Variants in ATP13A1 observed in about 807,000 individuals in gnomAD.
ATP13A1 encodes the protein ATPase 13A1.
A neutral mutation model predicts 134.8 loss-of-function variants in ATP13A1; 55 were observed. The ratio of observed to expected loss-of-function variants is 0.41; its 90% CI spans 0.33 to 0.51. The LOEUF is 0.51. Ranked by LOEUF, ATP13A1 falls within the 20% of genes least tolerant of loss-of-function variation. The pLI is 0.29. For synonymous variants in ATP13A1, 775 were observed against 725.1 expected, an observed-to-expected ratio of 1.07 and a Z score of -1.10; for missense variants, 1,389 against 1,652.8, an observed-to-expected ratio of 0.84 and a Z score of 2.77.
intron 1 of ATP13A1, among the ~76,000 whole-genome samples, chr19:19,661,574 GCTGA>G (rs1858540735): frequency 6.6e-6 from 1 of 152,172 alleles, no homozygotes; most frequent in African/African-American, 2.4e-5. Context: ...GGCATCAACT[GCTGA>G]CTATGAGTTC....
Position 19,654,595 on chromosome 19 carries a change from A to G in ATP13A1, c.1761T>C (p.Gly587=), listed in dbSNP as rs990160088. 1 of 1,613,220 alleles carries G rather than the reference A, an allele frequency of 6.2e-7. No homozygotes were observed. The highest frequency in any genetic ancestry group is 1.3e-5 in the African/African-American group (1 of 74,918). Residue 587 remains glycine, a synonymous_variant, in exon 13 of 26, where the codon GGT becomes GGC. Coordinates refer to ENST00000357324, the MANE Select transcript of ATP13A1 (RefSeq NM_020410.3). ...TCAGCATGGCCTTCTCTAGAGGGTC[A>G]CCCACGAGGGTGCCGTCGTCCAGCT... The part of the protein sequence containing the change: ...LMQLDDGTLV[G]DPLEKAMLTA...
intron 16 of ATP13A1, 149 bp from the exon 17 acceptor site, chr19:19,651,946 C>T (rs1345243999): frequency 3.2e-6 from 2 of 616,068 alleles, no homozygotes; most frequent in Non-Finnish European, 5.7e-6. Flanking sequence ...CCAAGGGCCA[C>T]AACCCACCCC....
rs765630120 is a variant in ATP13A1, at chr19:19,647,586, T to A, written c.2793+13A>T. The A allele has an allele frequency of 4.3e-6, 7 of 1,613,316 alleles. No homozygotes were observed. The highest frequency in any genetic ancestry group is 5.1e-6 in the Non-Finnish European group (6 of 1,179,658). Reference sequence around the variant, plus strand: ...CCAGGATGGGGTGCAGCACCTCCCCTCTTGGGACTCACCCTCTGGGAGGTT... The same window carrying A: ...CCAGGATGGGGTGCAGCACCTCCCCACTTGGGACTCACCCTCTGGGAGGTT... On this transcript the variant is annotated intron_variant, in intron 20 of 25. Transcript: ENST00000357324. This position sits in a 1 kb window ranked among gnomAD's most constrained non-coding sequence, Gnocchi z 4.8.
chr19:19,663,040 C>A (rs1408945646), intron 1 of ATP13A1: 1 of 725,290 alleles, frequency 1.4e-6, no homozygotes, highest in East Asian at 2.7e-5. Context: ...ATCTAAATGA[C>A]CATAACAGGG....
Position 19,647,900 on chromosome 19 carries a change from C to T in ATP13A1, c.2633-141G>A. ...CAGACTTCCCCATTTCACCTGACAC[C>T]CTAAGGAGACCTCAGAGAGTGCCCG... is the stretch of plus-strand genomic sequence containing the variant. On this transcript the variant is annotated intron_variant, in intron 19 of 25. Transcript: ENST00000357324. This position sits in a 1 kb window ranked among gnomAD's most constrained non-coding sequence, Gnocchi z 4.8. The T allele has an allele frequency of 1.8e-6, 2 of 1,090,436 alleles. No individual in the cohort carries two copies. Among genetic ancestry groups the T allele is most frequent in the Non-Finnish European group, 2.5e-6 (2 of 784,338 alleles). 67.5% of individuals were successfully genotyped at this position (1,090,436 alleles called of 1,614,324 possible). A position where few individuals can be genotyped will look rare whatever the true frequency, so the allele number is the denominator to read the frequency against.
Position 19,650,075 on chromosome 19 carries a change from C to T in ATP13A1, c.2336-135G>A. On this transcript the variant is annotated intron_variant, in intron 17 of 25. Transcript: ENST00000357324. ...CACCTCCCTACCCACCCAGGTGACC[C>T]CCAGCCCTTCTCTGGGGACTCCACA... The T allele has an allele frequency of 3.9e-6, 3 of 765,904 alleles. No individual in the cohort carries two copies. In the East Asian group the frequency reaches 8.1e-5, roughly 21 times the overall value. The allele number at this position is 765,904 out of a possible 1,614,324, so 47.4% of individuals were successfully genotyped here. A position where few individuals can be genotyped will look rare whatever the true frequency, so the allele number is the denominator to read the frequency against.
intron 1 of ATP13A1, chr19:19,661,973 C>A: frequency 6.7e-7 from 1 of 1,483,684 alleles, no homozygotes. Context: ...AAGATGGCAC[C>A]CAGTAGTTGT....
chr19:19,649,537 A>G, intron 19 of ATP13A1, 30 bp downstream of exon 19: 1 of 1,605,926 alleles, frequency 6.2e-7, no homozygotes. Context: ...CCTCGTCCAC[A>G]AACGAAATAC....
Position 19,656,029 on chromosome 19 carries a change from C to G in ATP13A1, c.1213+25G>C. On this transcript the variant is annotated intron_variant, in intron 8 of 25. Coordinates refer to ENST00000357324, the MANE Select transcript of ATP13A1 (RefSeq NM_020410.3). The surrounding 1 kb of genome is among the most constrained non-coding windows in gnomAD (Gnocchi z 4.6). Reference sequence around the variant, plus strand: ...GCAAAGGGGGTGGAAGCCCAGATACCCCCAGACGCCCATGAGGCACCTACG... The same window carrying G: ...GCAAAGGGGGTGGAAGCCCAGATACGCCCAGACGCCCATGAGGCACCTACG... 3 of 1,613,284 alleles carry G rather than the reference C, an allele frequency of 1.9e-6. No individual in the cohort carries two copies. Among genetic ancestry groups the G allele is most frequent in the Non-Finnish European group, 2.5e-6 (3 of 1,179,646 alleles).
intron 3 of ATP13A1, among the ~76,000 whole-genome samples, chr19:19,657,711 G>A (rs990743100): frequency 2.0e-5 from 3 of 152,176 alleles, no homozygotes; most frequent in African/African-American, 7.2e-5. Context: ...GGTGTCAGAC[G>A]AGAGCCCGTC....
Position 19,647,706 on chromosome 19 carries a change from G to C in ATP13A1, c.2686C>G (p.Pro896Ala). 3.7e-6 allele frequency: 6 copies of C among 1,609,126 alleles called. No individual in the cohort carries two copies. Among genetic ancestry groups the C allele is most frequent in the Middle Eastern group, 1.8e-4 (1 of 5,588 alleles). Residue 896 changes from proline (P) to alanine (A), a missense_variant, in exon 20 of 26, where the codon CCC becomes GCC. Physicochemically the swap from Pro to Ala is conservative, Grantham distance 27. Transcript: ENST00000357324. This position sits in a 1 kb window ranked among gnomAD's most constrained non-coding sequence, Gnocchi z 4.8. ...TTGCTCAGGGTTGGGCTGTCCCGGG[G>C]CCGCCGTCGCCGCTCGACAACCCGC... ...PERVVERRRRPRDSPTLSNSG... is the reference protein window; with the variant it reads ...PERVVERRRRARDSPTLSNSG...
Position 19,646,263 on chromosome 19 carries a change from C to G in ATP13A1, c.3190G>C (p.Val1064Leu). The change falls in exon 23 of 26, where the codon GTG becomes CTG. Residue 1064 changes from valine (V) to leucine (L), a missense_variant. Transcript: ENST00000357324. The part of the protein sequence containing the change: ...TILTVMLQFF[V>L]HFLSLVYLYR... ...AGGTAGACAAGGCTCAGGAAGTGCACAAAGAACTGGAGCATGACGGTGAGG... is the reference window on the plus strand; with the variant it reads ...AGGTAGACAAGGCTCAGGAAGTGCAGAAAGAACTGGAGCATGACGGTGAGG... The G allele has an allele frequency of 6.2e-7, 1 of 1,613,946 alleles. No homozygotes were observed. The highest frequency in any genetic ancestry group is 1.7e-5 in the Admixed American group (1 of 60,010).
rs1224791702 is a variant in ATP13A1 at position 19,653,479 on chromosome 19, G to C, written c.2100+305C>G. On this transcript the variant is annotated intron_variant, in intron 15 of 25. Transcript: ENST00000357324. The surrounding 1 kb of genome is among the most constrained non-coding windows in gnomAD (Gnocchi z 4.2). ...GGTGGGCTTTGTGGAGGATGGATGG[G>C]TGAGAGGGCTGAGGATGCCACCTAG... The C allele has an allele frequency of 2.3e-6, 1 of 429,568 alleles. No individual in the cohort carries two copies. The highest frequency in any genetic ancestry group is 4.2e-5 in the East Asian group (1 of 23,900). The allele number at this position is 429,568 out of a possible 1,614,324, so 26.6% of individuals were successfully genotyped here. A position where few individuals can be genotyped will look rare whatever the true frequency, so the allele number is the denominator to read the frequency against.
chr19:19,655,450 G>GT lies in ATP13A1; in HGVS notation c.1399dup (p.Thr467AsnfsTer26). The GT allele has an allele frequency of 6.2e-7, 1 of 1,613,970 alleles. No homozygotes were observed. On this transcript the variant is annotated frameshift_variant, in exon 11 of 26. Transcript: ENST00000357324. LOFTEE classifies it high-confidence loss of function. This position sits in a 1 kb window ranked among gnomAD's most constrained non-coding sequence, Gnocchi z 5.7. ...GTAGCGGTTCCGGCTGGGGTCCTTG[G>GT]TACCTGTGGAGACAGGGCCTGCCAA...
chr19:19,649,835 T>G lies in ATP13A1; in HGVS notation c.2441A>C (p.Asp814Ala). The G allele has an allele frequency of 6.2e-7, 1 of 1,603,214 alleles. No individual in the cohort carries two copies. The highest frequency in any genetic ancestry group is 8.5e-7 in the Non-Finnish European group (1 of 1,178,422). ...ALEYALCLTG[D>A]GLAHLQATDP... is the part of the protein sequence containing the mutation. The stretch of plus-strand genomic sequence containing the variant: ...GGTGGCCTGCAGGTGGGCCAAGCCG[T>G]CGCCTGTGAGGCACAGTGCGTACTC... The change falls in exon 18 of 26, where the codon GAC becomes GCC. Residue 814 changes from aspartate to alanine, a missense_variant. By Grantham distance (126) the Asp-to-Ala change is moderately radical. Transcript: ENST00000357324.
At position 19,647,531 on chromosome 19, in the gene ATP13A1, G is replaced by A; in HGVS notation, c.2794-3C>T. On this transcript the variant is annotated splice_polypyrimidine_tract_variant and splice_region_variant and intron_variant, in intron 20 of 25. Coordinates refer to ENST00000357324, the MANE Select transcript of ATP13A1 (RefSeq NM_020410.3). This position sits in a 1 kb window ranked among gnomAD's most constrained non-coding sequence, Gnocchi z 4.8. The stretch of plus-strand genomic sequence containing the variant: ...CGCAGCACCTGGCTCAGGCGGTCCT[G>A]CAGGGTAGACAGCAGGCTGTCAGCC... The A allele has an allele frequency of 6.2e-7, 1 of 1,612,554 alleles. No homozygotes were observed. The highest frequency in any genetic ancestry group is 8.5e-7 in the Non-Finnish European group (1 of 1,179,240).
At position 19,663,655 on chromosome 19, in the gene ATP13A1, C is replaced by A. The variant is rs1318082012; in HGVS notation, c.12G>T (p.Ala4=). 7.8e-7 allele frequency: 1 copy of A among 1,288,054 alleles called. No individual in the cohort carries two copies. Among genetic ancestry groups the A allele is most frequent in the Admixed American group, 3.9e-5 (1 of 25,900 alleles). 79.8% of individuals were successfully genotyped at this position (1,288,054 alleles called of 1,614,324 possible). The part of the protein sequence containing the change: MAA[A]AAVGNAVPCG... The stretch of plus-strand genomic sequence containing the variant: ...AGGGCACCGCGTTGCCCACCGCCGC[C>A]GCTGCCGCCATCTTTCCTAGCGCCG... Residue 4 remains alanine (A), a synonymous_variant, in exon 1 of 26, where the codon GCG becomes GCT. Transcript: ENST00000357324.
In ATP13A1 at chr19:19,655,445, C is replaced by T. The variant is rs763998032; in HGVS notation, c.1405G>A (p.Asp469Asn). Residue 469 changes from aspartate (D) to asparagine (N), a missense_variant, in exon 11 of 26, where the codon GAC (aspartate) becomes AAC (asparagine). Asp to Asn is a conservative substitution (Grantham distance 23). This residue lies in a region of ATP13A1 where 747 missense variants were observed against 956.1 expected (regional missense o/e 0.78). Coordinates refer to ENST00000357324, the MANE Select transcript of ATP13A1 (RefSeq NM_020410.3). The surrounding 1 kb of genome is among the most constrained non-coding windows in gnomAD (Gnocchi z 5.7). ...AGCTTGTAGCGGTTCCGGCTGGGGT[C>T]CTTGGTACCTGTGGAGACAGGGCCT... The part of the protein sequence containing the change: ...AAYVWIEGTK[D>N]PSRNRYKLFL... The T allele has an allele frequency of 1.9e-6, 3 of 1,613,914 alleles. No homozygotes were observed. The highest frequency in any genetic ancestry group is 2.5e-6 in the Non-Finnish European group (3 of 1,179,866).
intron 22 of ATP13A1, chr19:19,646,676 C>T: frequency 2.4e-6 from 1 of 422,514 alleles, no homozygotes; most frequent in Admixed American, 3.6e-5. Flanking sequence ...CCCCCTCCAG[C>T]CACCGGGGAC....
Sources: gnomAD v4.1 joint callset for allele counts (sites outside exome capture counted in the v4.1 genomes callset) on GRCh38, gnomAD v4.1.1 for gene constraint, gnomAD v4.1.1 regional missense constraint, Gnocchi (gnomAD v3.1) non-coding constraint, MANE v1.5 for transcripts, NCBI Gene and HGNC (gene_info 2026-07-23, HGNC 2026-07-21) for gene names.